Variants in FSHR observed in about 807,000 individuals in gnomAD.
FSHR encodes follicle-stimulating hormone receptor.
A neutral mutation model predicts 52.1 loss-of-function variants in FSHR; 46 were observed. The observed-to-expected ratio is 0.88, with a 90% CI of 0.70 to 1.13. The LOEUF (loss-of-function observed/expected upper bound fraction) is 1.13, where lower values mean the gene tolerates loss of function less well. Ranked by LOEUF, FSHR falls within the 50% of genes most tolerant of loss-of-function variation. FSHR has a pLI of 0.00. For missense variants in FSHR, 964 were observed against 834.6 expected (o/e 1.16, Z -1.91); for synonymous variants, 399 against 309.6 (o/e 1.29, Z -3.03).
chr2:49,014,168 T>C (rs1667398503), intron 4 of FSHR, among the ~76,000 whole-genome samples: 1 of 152,094 alleles, frequency 6.6e-6, no homozygotes, highest in Non-Finnish European at 1.5e-5. Context: ...ACTAAGAAAA[T>C]GATATGCTAT....
At chr2:49,077,823 T>C (rs1670002938) in intron 1 of FSHR, among the ~76,000 whole-genome samples, 1 of 152,196 alleles carries the variant, frequency 6.6e-6, no homozygotes, top group Non-Finnish European at 1.5e-5. Context: ...TGCTAAAACA[T>C]AACAATAGTC....
chr2:49,097,104 T>C (rs1670850193), intron 1 of FSHR, among the ~76,000 whole-genome samples: 2 of 152,244 alleles, frequency 1.3e-5, no homozygotes, highest in South Asian at 4.1e-4. Context: ...CTAATTCACA[T>C]GATTTCTGAT....
At chr2:49,138,459 C>T (rs571936537) in intron 1 of FSHR, among the ~76,000 whole-genome samples, 52 of 152,104 alleles carry the variant, frequency 3.4e-4, no homozygotes, top group Non-Finnish European at 5.6e-4. Flanking sequence ...CCCAAATGTC[C>T]ATCAACAGAT....
rs949118456 is a variant in FSHR, at chr2:48,962,634, G to T, written c.*99C>A. The T allele has an allele frequency of 4.1e-6, 5 of 1,217,616 alleles. No homozygotes were observed. In the African/African-American group the frequency reaches 7.5e-5, roughly 18 times the overall value. The allele number at this position is 1,217,616 out of a possible 1,614,324, so 75.4% of individuals were successfully genotyped here. On this transcript the variant is annotated 3_prime_UTR_variant, in exon 10 of 10. Transcript: ENST00000406846. ...AAGGTATGCCAGGAATATTAAATTA[G>T]ATGAAATGTGTAGAAGCACTGTCAG... is the stretch of plus-strand genomic sequence containing the variant.
chr2:49,065,462 G>A (rs1259282415), intron 2 of FSHR, among the ~76,000 whole-genome samples: 1 of 152,122 alleles, frequency 6.6e-6, no homozygotes, highest in African/African-American at 2.4e-5. Flanking sequence ...GATAGAGAAT[G>A]CACCTGAGTC....
At chr2:49,030,440 G>A (rs971589783) in intron 2 of FSHR, among the ~76,000 whole-genome samples, 2 of 151,932 alleles carry the variant, frequency 1.3e-5, no homozygotes, top group African/African-American at 4.8e-5. Flanking sequence ...TCCCCAAATG[G>A]CTTTTCTCCT....
intron 2 of FSHR, among the ~76,000 whole-genome samples, chr2:49,042,107 G>T (rs979569147): frequency 6.6e-6 from 1 of 152,118 alleles, no homozygotes; most frequent in Non-Finnish European, 1.5e-5. Context: ...ATTACATCCT[G>T]CCCACTAGGT....
At chr2:48,968,107 G>A (rs1312425313) in intron 9 of FSHR, among the ~76,000 whole-genome samples, 1 of 152,142 alleles carries the variant, frequency 6.6e-6, no homozygotes, top group Non-Finnish European at 1.5e-5. Flanking sequence ...ACTAAGACTT[G>A]TCTCTGTTTA....
chr2:49,012,205 A>T lies in FSHR; in HGVS notation c.374+5284T>A, dbSNP rs77738790. Reference sequence around the variant, plus strand: ...ATCCAGCTGCCTGAGAATTACTTTAACAGGATGCAAAGGCAAGAAAATATT... The same window carrying T: ...ATCCAGCTGCCTGAGAATTACTTTATCAGGATGCAAAGGCAAGAAAATATT... On this transcript the variant is annotated intron_variant, in intron 4 of 9. Coordinates refer to ENST00000406846, the MANE Select transcript of FSHR (RefSeq NM_000145.4). Among the ~76,000 whole-genome samples, 585 of 152,278 alleles carry T rather than the reference A, an allele frequency of 3.8e-3. 5 individuals carry two copies. The highest frequency in any genetic ancestry group is 0.013 in the African/African-American group (552 of 41,576).
intron 1 of FSHR, among the ~76,000 whole-genome samples, chr2:49,130,800 C>G (rs912524917): frequency 6.6e-6 from 1 of 152,170 alleles, no homozygotes; most frequent in Non-Finnish European, 1.5e-5. Context: ...TTATTCCCTA[C>G]TGGTGAGGGA....
At chr2:49,133,726 G>A (rs1672381396) in intron 1 of FSHR, among the ~76,000 whole-genome samples, 1 of 152,008 alleles carries the variant, frequency 6.6e-6, no homozygotes, top group Non-Finnish European at 1.5e-5. Context: ...CAGAGATATA[G>A]ACCAATGGAA....
intron 6 of FSHR, 139 bp downstream of exon 6, chr2:48,988,838 G>C (rs2072488): frequency 1.4e-6 from 1 of 709,148 alleles, no homozygotes; most frequent in Admixed American, 2.1e-5. Context: ...AGATGAGAGA[G>C]GAACGCAGAA....
intron 1 of FSHR, among the ~76,000 whole-genome samples, chr2:49,148,096 G>A (rs1165771645): frequency 1.3e-5 from 2 of 151,976 alleles, no homozygotes; most frequent in African/African-American, 2.4e-5. Context: ...GAACACTTCT[G>A]TCTGGTTTAA....
chr2:49,095,569 A>G (rs1438209467), intron 1 of FSHR, among the ~76,000 whole-genome samples: 1 of 152,194 alleles, frequency 6.6e-6, no homozygotes, highest in Non-Finnish European at 1.5e-5. Flanking sequence ...GGATTAGTCA[A>G]TTGTTTCTTA....
rs1351108591 is a variant in FSHR, at chr2:49,052,100, T to C, written c.224+16119A>G. 3.3e-5 allele frequency among the ~76,000 whole-genome samples: 5 copies of C among 152,272 alleles called. No homozygotes were observed. The South Asian group carries it at 6.2e-4, about 19-fold the overall frequency. On this transcript the variant is annotated intron_variant, in intron 2 of 9. Coordinates refer to ENST00000406846, the MANE Select transcript of FSHR (RefSeq NM_000145.4). ...ATACAGACTAATATTGCTACAAATA[T>C]AGATAAAACATTTTAAACAAAATAT...
rs189838719 is a variant in FSHR at position 49,137,084 on chromosome 2, G to A, written c.152+17182C>T. Reference sequence around the variant, plus strand: ...AGTTAAAGTAATTCTATTCACAGATGATATATTCCTGTATATGGAAAGTCC... The same window carrying A: ...AGTTAAAGTAATTCTATTCACAGATAATATATTCCTGTATATGGAAAGTCC... On this transcript the variant is annotated intron_variant, in intron 1 of 9. Coordinates refer to ENST00000406846, the MANE Select transcript of FSHR (RefSeq NM_000145.4). Among the ~76,000 whole-genome samples the A allele has an allele frequency of 1.8e-3, 279 of 152,138 alleles. 1 individual carries two copies. The highest frequency in any genetic ancestry group is 6.4e-3 in the African/African-American group (264 of 41,544).
intron 8 of FSHR, among the ~76,000 whole-genome samples, chr2:48,978,220 G>T (rs1354218981): frequency 6.6e-6 from 1 of 152,170 alleles, no homozygotes; most frequent in East Asian, 1.9e-4. Flanking sequence ...ATTTAATAAA[G>T]TGTGTTATAG....
chr2:49,102,388 G>T (rs1671062022), intron 1 of FSHR, among the ~76,000 whole-genome samples: 1 of 152,126 alleles, frequency 6.6e-6, no homozygotes, highest in Admixed American at 6.6e-5. Flanking sequence ...CTATAAAAGG[G>T]AGGAAGGCCA....
intron 3 of FSHR, 23 bp downstream of exon 3, chr2:49,020,063 A>C (rs749891700): frequency 6.4e-5 from 103 of 1,606,638 alleles, no homozygotes; most frequent in Non-Finnish European, 8.7e-5. Flanking sequence ...GCCATGAGCA[A>C]ATCCCCCAAT....
Sources: allele counts gnomAD v4.1 joint callset (sites outside exome capture counted in the v4.1 genomes callset), GRCh38; gene constraint gnomAD v4.1.1; transcripts MANE v1.5; gene names NCBI Gene and HGNC (gene_info 2026-07-23, HGNC 2026-07-21).